MAPK4: variants seen among roughly 807,000 people sequenced by gnomAD.
MAPK4 encodes the protein mitogen-activated protein kinase 4.
Under a neutral mutation model 47.7 loss-of-function variants are expected in MAPK4, and 22 were observed. The observed-to-expected ratio is 0.46, with a 90% CI of 0.33 to 0.66. The LOEUF is 0.66. MAPK4 is among the 30% of genes least tolerant of loss of function. MAPK4 has a pLI of 0.02. For synonymous variants in MAPK4, 390 were observed against 365.7 expected (o/e 1.07, Z -0.76); for missense variants, 736 against 831.7 (o/e 0.88, Z 1.42).
At chr18:50,600,687 G>C (rs28409222) in intron 1 of MAPK4, among the ~76,000 whole-genome samples, 1 of 151,962 alleles carries the variant, frequency 6.6e-6, no homozygotes, top group Non-Finnish European at 1.5e-5. Context: ...TTTAAGTTCA[G>C]TTTCCTGTTA....
intron 2 of MAPK4, among the ~76,000 whole-genome samples, chr18:50,712,331 G>T (rs1407146780): frequency 6.6e-6 from 1 of 152,184 alleles, no homozygotes; most frequent in Non-Finnish European, 1.5e-5. Context: ...GGAGGCTGAG[G>T]TGGGAGGGTC....
At chr18:50,696,506 C>T (rs8096108) in intron 2 of MAPK4, among the ~76,000 whole-genome samples, 115,874 of 152,056 alleles carry the variant, frequency 0.76, 45,371 homozygotes, top group Non-Finnish European at 0.86. Flanking sequence ...TAGCAAGTAG[C>T]GTGGGCTTCC....
intron 1 of MAPK4, among the ~76,000 whole-genome samples, chr18:50,624,332 T>G (rs2042757622): frequency 6.6e-6 from 1 of 152,212 alleles, no homozygotes; most frequent in South Asian, 2.1e-4. Flanking sequence ...CCAATTACAT[T>G]CCTAGATATT....
At chr18:50,708,023 G>T (rs892540390) in intron 2 of MAPK4, among the ~76,000 whole-genome samples, 1 of 152,222 alleles carries the variant, frequency 6.6e-6, no homozygotes, top group Non-Finnish European at 1.5e-5. Flanking sequence ...CTTTAGCTGC[G>T]TAATAGAACG....
rs187421232 is a variant in MAPK4, at chr18:50,644,254, A to G, written c.-870-18835A>G. Reference sequence around the variant, plus strand: ...GTAAGAGCTTCCCCCTGTAAATGACACCTGGGGAGGTTGAGGGAGACAGAA... The same window carrying G: ...GTAAGAGCTTCCCCCTGTAAATGACGCCTGGGGAGGTTGAGGGAGACAGAA... On this transcript the variant is annotated intron_variant, in intron 1 of 5. Coordinates refer to ENST00000400384, the MANE Select transcript of MAPK4 (RefSeq NM_002747.4). Among the ~76,000 whole-genome samples the G allele has an allele frequency of 1.5e-3, 228 of 151,708 alleles. 3 individuals are homozygous for G. Among genetic ancestry groups the G allele is most frequent in the African/African-American group, 5.3e-3 (218 of 41,338 alleles).
At chr18:50,585,861 G>A (rs2042383710) in intron 1 of MAPK4, among the ~76,000 whole-genome samples, 1 of 152,164 alleles carries the variant, frequency 6.6e-6, no homozygotes, top group Non-Finnish European at 1.5e-5. Flanking sequence ...AGCAAAGGGG[G>A]AAAAGCCTCA....
intron 1 of MAPK4, among the ~76,000 whole-genome samples, chr18:50,662,438 C>A (rs1223114776): frequency 6.6e-6 from 1 of 152,186 alleles, no homozygotes; most frequent in Non-Finnish European, 1.5e-5. Context: ...ATACAGCTCA[C>A]CATGCCAGTT....
chr18:50,646,832 T>A (rs2042994116), intron 1 of MAPK4, among the ~76,000 whole-genome samples: 1 of 152,232 alleles, frequency 6.6e-6, no homozygotes, highest in African/African-American at 2.4e-5. Flanking sequence ...GGTCATGGTA[T>A]GGACCCTTGC....
chr18:50,679,689 C>G (rs1469474410), intron 2 of MAPK4, among the ~76,000 whole-genome samples: 3 of 152,198 alleles, frequency 2.0e-5, no homozygotes, highest in African/African-American at 7.2e-5. Flanking sequence ...TGAGAACTTT[C>G]CTGGTACCCT....
intron 2 of MAPK4, among the ~76,000 whole-genome samples, chr18:50,714,271 C>T (rs545709961): frequency 8.5e-5 from 13 of 152,320 alleles, no homozygotes; most frequent in African/African-American, 3.1e-4. Context: ...AGATGTCACT[C>T]TTGGCCCAGT....
intron 1 of MAPK4, among the ~76,000 whole-genome samples, chr18:50,565,149 G>A (rs979825786): frequency 1.3e-5 from 2 of 152,248 alleles, no homozygotes; most frequent in African/African-American, 4.8e-5. Context: ...TGTTCTCAAA[G>A]TATTGACTTA....
At chr18:50,642,158 T>A (rs2042946537) in intron 1 of MAPK4, among the ~76,000 whole-genome samples, 2 of 152,216 alleles carry the variant, frequency 1.3e-5, no homozygotes, top group South Asian at 4.1e-4. Context: ...ATATCCCAAT[T>A]AATGAAATTC....
chr18:50,639,068 C>T (rs1047527451), intron 1 of MAPK4, among the ~76,000 whole-genome samples: 2 of 152,120 alleles, frequency 1.3e-5, no homozygotes, highest in African/African-American at 4.8e-5. Flanking sequence ...GAGCAGCTGC[C>T]TCCTAAGTCA....
At chr18:50,599,146 A>G (rs2042511955) in intron 1 of MAPK4, among the ~76,000 whole-genome samples, 1 of 152,172 alleles carries the variant, frequency 6.6e-6, no homozygotes, top group Non-Finnish European at 1.5e-5. Context: ...TTTGAACAGA[A>G]TTAATATTTA....
At chr18:50,613,995 C>A (rs2042662034) in intron 1 of MAPK4, among the ~76,000 whole-genome samples, 1 of 152,050 alleles carries the variant, frequency 6.6e-6, no homozygotes, top group Non-Finnish European at 1.5e-5. Context: ...TTCTATTCAA[C>A]TATATTGACA....
At chr18:50,616,078 A>T (rs1362731664) in intron 1 of MAPK4, among the ~76,000 whole-genome samples, 1 of 152,164 alleles carries the variant, frequency 6.6e-6, no homozygotes, top group African/African-American at 2.4e-5. Flanking sequence ...GGTGTCGGGG[A>T]CTGGCTTTGA....
chr18:50,697,129 C>G (rs891810852), intron 2 of MAPK4, among the ~76,000 whole-genome samples: 1 of 152,120 alleles, frequency 6.6e-6, no homozygotes, highest in Non-Finnish European at 1.5e-5. Flanking sequence ...AGCAGACTCC[C>G]CAGGGGGTTC....
chr18:50,673,458 C>G (rs1908079610), intron 2 of MAPK4, among the ~76,000 whole-genome samples: 1 of 152,242 alleles, frequency 6.6e-6, no homozygotes, highest in Non-Finnish European at 1.5e-5. Context: ...TGGAGTGGAG[C>G]TAGTGTGTTT....
intron 2 of MAPK4, among the ~76,000 whole-genome samples, chr18:50,681,817 G>C (rs1908603013): frequency 6.6e-6 from 1 of 152,132 alleles, no homozygotes; most frequent in African/African-American, 2.4e-5. Flanking sequence ...GCAGTTTGTA[G>C]TCCGTTTTGA....
Sources: gnomAD v4.1 joint callset for allele counts (sites outside exome capture counted in the v4.1 genomes callset) on GRCh38, gnomAD v4.1.1 for gene constraint, MANE v1.5 for transcripts, NCBI Gene and HGNC (gene_info 2026-07-23, HGNC 2026-07-21) for gene names.